The following AP3B1 variants were observed in gnomAD, a reference collection of about 807,000 sequenced individuals.
AP3B1 encodes AP-3 complex subunit beta-1.
A neutral mutation model predicts 132.5 loss-of-function variants in AP3B1; 61 were observed. That is an observed-to-expected ratio of 0.46 (90% confidence interval 0.37 to 0.57). The LOEUF (loss-of-function observed/expected upper bound fraction) is 0.57, where lower values mean the gene tolerates loss of function less well. Among genes scored for constraint, AP3B1 ranks in the 20% least tolerant of loss-of-function variants. AP3B1 has a pLI of 0.00. For missense variants in AP3B1, 1,120 were observed against 1,289.4 expected (o/e 0.87, Z 2.01); for synonymous variants, 388 against 438.3 (o/e 0.89, Z 1.43).
intron 22 of AP3B1, among the ~76,000 whole-genome samples, chr5:78,063,357 C>T (rs565099221): frequency 5.9e-5 from 9 of 152,224 alleles, no homozygotes; most frequent in South Asian, 2.1e-4. Flanking sequence ...TTTTCAGGAA[C>T]GATGCTACTG....
At chr5:78,037,023 T>C (rs1198224721) in intron 23 of AP3B1, among the ~76,000 whole-genome samples, 4 of 152,140 alleles carry the variant, frequency 2.6e-5, no homozygotes, top group Non-Finnish European at 1.5e-5. Flanking sequence ...GAATGAAACA[T>C]ACAGTCACAA....
chr5:78,220,254 T>A (rs1746123452), intron 6 of AP3B1, among the ~76,000 whole-genome samples: 1 of 151,660 alleles, frequency 6.6e-6, no homozygotes, highest in Non-Finnish European at 1.5e-5. Context: ...TACAGCCAAT[T>A]TAAATACTGG....
chr5:78,248,248 T>A (rs557805514), intron 2 of AP3B1, among the ~76,000 whole-genome samples: 5 of 151,808 alleles, frequency 3.3e-5, no homozygotes, highest in Non-Finnish European at 2.9e-5. Context: ...TCCCAGCACT[T>A]TGGGAGGCTG....
intron 22 of AP3B1, among the ~76,000 whole-genome samples, chr5:78,067,591 T>C (rs1749346159): frequency 6.6e-6 from 1 of 152,154 alleles, no homozygotes; most frequent in African/African-American, 2.4e-5. Flanking sequence ...CGCAATCAAA[T>C]TGGAATTCAA....
intron 1 of AP3B1, among the ~76,000 whole-genome samples, chr5:78,293,983 C>T (rs1749642874): frequency 6.6e-6 from 1 of 152,070 alleles, no homozygotes; most frequent in Admixed American, 6.5e-5. Flanking sequence ...CCTAAATCCA[C>T]CTCTCTGCTC....
chr5:78,118,110 AC>A (rs1191284424), intron 17 of AP3B1, among the ~76,000 whole-genome samples: 8 of 152,230 alleles, frequency 5.3e-5, no homozygotes, highest in South Asian at 2.1e-4. Flanking sequence ...TACTAAAAAA[AC>A]AAATACCTAG....
intron 17 of AP3B1, among the ~76,000 whole-genome samples, chr5:78,123,182 A>C (rs1490320470): frequency 6.6e-6 from 1 of 152,258 alleles, no homozygotes; most frequent in East Asian, 1.9e-4. Flanking sequence ...CTTACACCTT[A>C]TACAAAAATT....
chr5:78,235,630 A>G (rs991393995), intron 3 of AP3B1, among the ~76,000 whole-genome samples: 6 of 152,226 alleles, frequency 3.9e-5, no homozygotes, highest in African/African-American at 9.6e-5. Flanking sequence ...GTGACCAGAA[A>G]TGGGAGTAGT....
intron 15 of AP3B1, among the ~76,000 whole-genome samples, chr5:78,130,156 A>G (rs1488100094): frequency 6.6e-6 from 1 of 152,156 alleles, no homozygotes; most frequent in East Asian, 1.9e-4. Flanking sequence ...ATTTTAAACT[A>G]CAGTTATTTT....
chr5:78,027,696 TTAA>T (rs1207766074), intron 24 of AP3B1, among the ~76,000 whole-genome samples: 1 of 152,226 alleles, frequency 6.6e-6, no homozygotes, highest in East Asian at 1.9e-4. Context: ...TTCTTTATAT[TTAA>T]TTATATCTTC....
intron 15 of AP3B1, among the ~76,000 whole-genome samples, chr5:78,131,775 C>A (rs1258413130): frequency 6.6e-6 from 1 of 152,054 alleles, no homozygotes; most frequent in Non-Finnish European, 1.5e-5. Context: ...TCTTCCCTTG[C>A]CTGTACAGGG....
chr5:78,141,316 G>A lies in AP3B1; in HGVS notation c.1477C>T (p.Pro493Ser). ...MAKLLDSITV[P>S]VARASILWLI... Reference sequence around the variant, plus strand: ...CAAAGAATACTTGCTCTAGCAACAGGAACCTAATATGAGAAGCAGATTACA... The same window carrying A: ...CAAAGAATACTTGCTCTAGCAACAGAAACCTAATATGAGAAGCAGATTACA... Residue 493 changes from proline (P) to serine (S), a missense_variant, in exon 15 of 27, where the codon CCT becomes TCT. Coordinates refer to ENST00000255194, the MANE Select transcript of AP3B1 (RefSeq NM_003664.5). The A allele has an allele frequency of 2.5e-6, 4 of 1,612,548 alleles. No individual in the cohort carries two copies. Among genetic ancestry groups the A allele is most frequent in the Non-Finnish European group, 3.4e-6 (4 of 1,178,956 alleles).
chr5:78,248,654 C>A (rs1243067640), intron 2 of AP3B1, among the ~76,000 whole-genome samples: 1 of 152,050 alleles, frequency 6.6e-6, no homozygotes, highest in Non-Finnish European at 1.5e-5. Context: ...GTCCTTTATA[C>A]GTATTTACCA....
chr5:78,259,346 TAGA>T (rs1177243291), intron 2 of AP3B1, among the ~76,000 whole-genome samples: 5 of 150,352 alleles, frequency 3.3e-5, no homozygotes, highest in African/African-American at 1.2e-4. Flanking sequence ...ACATAGAGAG[TAGA>T]AGGATGGTTA....
At position 78,002,887 on chromosome 5, in the gene AP3B1, C is replaced by T. The variant is rs1162592102; in HGVS notation, c.*15G>A. On this transcript the variant is annotated 3_prime_UTR_variant, in exon 27 of 27. Transcript: ENST00000255194. ...TTTGTTGTGTGCCAGATTCTAAAGT[C>T]CAGATGTAAGCAGGTTACCCCTGAG... is the stretch of plus-strand genomic sequence containing the variant. The T allele has an allele frequency of 6.2e-7, 1 of 1,613,966 alleles. No homozygotes were observed. The highest frequency in any genetic ancestry group is 1.7e-5 in the Admixed American group (1 of 59,984).
intron 2 of AP3B1, among the ~76,000 whole-genome samples, chr5:78,257,893 G>A (rs1350962867): frequency 2.0e-5 from 3 of 151,706 alleles, no homozygotes; most frequent in Non-Finnish European, 4.4e-5. Context: ...AGAAAGATGC[G>A]AAGAGCATAC....
intron 22 of AP3B1, among the ~76,000 whole-genome samples, chr5:78,061,605 C>G (rs917323620): frequency 6.6e-6 from 1 of 152,146 alleles, no homozygotes; most frequent in African/African-American, 2.4e-5. Context: ...AAACATGTCT[C>G]TGCCACAACA....
chr5:78,249,352 G>A (rs1580542722), intron 2 of AP3B1, among the ~76,000 whole-genome samples: 1 of 152,226 alleles, frequency 6.6e-6, no homozygotes, highest in South Asian at 2.1e-4. Flanking sequence ...CGACAAGAGT[G>A]AGACTCCGTC....
chr5:78,008,924 T>C (rs1746503239), intron 26 of AP3B1, among the ~76,000 whole-genome samples: 1 of 152,058 alleles, frequency 6.6e-6, no homozygotes, highest in East Asian at 1.9e-4. Flanking sequence ...AAACTAAGAA[T>C]AGAGAAAGGG....
Sources: allele counts gnomAD v4.1 joint callset (sites outside exome capture counted in the v4.1 genomes callset), GRCh38; gene constraint gnomAD v4.1.1; transcripts MANE v1.5; gene names NCBI Gene and HGNC (gene_info 2026-07-23, HGNC 2026-07-21).